The following RAB4A variants were observed in gnomAD, a reference collection of about 807,000 sequenced individuals.
RAB4A encodes the protein RAB4A, member RAS oncogene family.
A neutral mutation model predicts 34.5 loss-of-function variants in RAB4A; 20 were observed. That is an observed-to-expected ratio of 0.58 (90% CI 0.41 to 0.84). The LOEUF (loss-of-function observed/expected upper bound fraction) is 0.84. RAB4A is among the 40% of genes least tolerant of loss of function. RAB4A has a pLI of 0.00. For missense variants in RAB4A, 228 were observed against 274.5 expected (o/e 0.83, Z 1.20); for synonymous variants, 102 against 100.0 (o/e 1.02, Z -0.12).
At chr1:229,296,481 A>G (rs1316086850) in intron 4 of RAB4A, among the ~76,000 whole-genome samples, 1 of 152,232 alleles carries the variant, frequency 6.6e-6, no homozygotes, top group Non-Finnish European at 1.5e-5. Context: ...TTTAACTGAA[A>G]TAAAAAATTC....
chr1:229,282,910 A>G (rs961852543), intron 1 of RAB4A, among the ~76,000 whole-genome samples: 4 of 152,180 alleles, frequency 2.6e-5, no homozygotes, highest in Non-Finnish European at 5.9e-5. Context: ...TTTGTCAGAT[A>G]ATTCTAACAT....
intron 1 of RAB4A, among the ~76,000 whole-genome samples, chr1:229,283,674 G>A (rs237756): frequency 3.3e-5 from 5 of 151,570 alleles, no homozygotes; most frequent in South Asian, 2.1e-4. Context: ...CTGAAATCCC[G>A]GGTACACTGA....
At position 229,295,887 on chromosome 1, in the gene RAB4A, T is replaced by A; in HGVS notation, c.267T>A (p.Ala89=). The change falls in exon 4 of 8, where the codon GCT becomes GCA. Residue 89 remains alanine, a synonymous_variant. Coordinates refer to ENST00000366690, the MANE Select transcript of RAB4A (RefSeq NM_004578.4). The part of the protein sequence containing the change: ...TRSYYRGAAG[A]LLVYDITSRE... The stretch of plus-strand genomic sequence containing the variant: ...GTTATTACCGAGGCGCGGCCGGGGC[T>A]CTCCTCGTCTATGATATCACCAGGT... 6.2e-7 allele frequency: 1 copy of A among 1,614,070 alleles called. No homozygotes were observed. Among genetic ancestry groups the A allele is most frequent in the African/African-American group, 1.3e-5 (1 of 75,024 alleles).
chr1:229,288,674 A>G (rs920308211), intron 2 of RAB4A, 55 bp from the exon 3 acceptor site: 3 of 916,786 alleles, frequency 3.3e-6, no homozygotes, highest in South Asian at 1.5e-5. Context: ...GTTTAAATCT[A>G]TAAGCCTGTT....
At chr1:229,280,248 A>C (rs190508332) in intron 1 of RAB4A, among the ~76,000 whole-genome samples, 1 of 152,354 alleles carries the variant, frequency 6.6e-6, no homozygotes. Flanking sequence ...GAACACTCTG[A>C]GAGAACATGA....
At chr1:229,290,251 T>C (rs1657033707) in intron 3 of RAB4A, among the ~76,000 whole-genome samples, 1 of 151,940 alleles carries the variant, frequency 6.6e-6, no homozygotes, top group African/African-American at 2.4e-5. Context: ...TGAAATGGAG[T>C]CTAGACTCAA....
At chr1:229,303,627 G>C (rs1657474631) in intron 7 of RAB4A, among the ~76,000 whole-genome samples, 179 bp from the exon 8 acceptor site, 1 of 152,138 alleles carries the variant, frequency 6.6e-6, no homozygotes, top group African/African-American at 2.4e-5. Context: ...ACTTTTTAAA[G>C]CTTCTTCTTT....
At chr1:229,300,852 G>A (rs1657367865) in intron 6 of RAB4A, among the ~76,000 whole-genome samples, 1 of 152,136 alleles carries the variant, frequency 6.6e-6, no homozygotes, top group African/African-American at 2.4e-5. Flanking sequence ...GTGATCAACA[G>A]AACCCTGGAG....
intron 3 of RAB4A, among the ~76,000 whole-genome samples, chr1:229,292,038 AG>A (rs1657099966): frequency 8.2e-6 from 1 of 121,910 alleles, no homozygotes; most frequent in Non-Finnish European, 1.6e-5. Flanking sequence ...GGACACAGGA[AG>A]GGGAACATCA....
At chr1:229,295,799 A>G (rs1657237390) in intron 3 of RAB4A, 49 bp from the exon 4 acceptor site, 2 of 1,588,532 alleles carry the variant, frequency 1.3e-6, no homozygotes, top group Non-Finnish European at 1.7e-6. Context: ...AGTGGGATAC[A>G]GTAAAGGGTC....
chr1:229,274,374 T>G (rs1656584448), intron 1 of RAB4A, among the ~76,000 whole-genome samples: 1 of 152,166 alleles, frequency 6.6e-6, no homozygotes. Flanking sequence ...TGAAATGTAC[T>G]GTTTATGAGC....
intron 1 of RAB4A, among the ~76,000 whole-genome samples, chr1:229,273,673 A>T (rs962970961): frequency 6.6e-6 from 1 of 152,192 alleles, no homozygotes; most frequent in African/African-American, 2.4e-5. Context: ...CAGGAGGTGA[A>T]GTTTACAGTG....
chr1:229,297,587 A>C lies in RAB4A; in HGVS notation c.396A>C (p.Ala132=). Residue 132 remains alanine (A), a synonymous_variant, in exon 5 of 8, where the codon GCA becomes GCC. Transcript: ENST00000366690. ...ILCGNKKDLD[A]DREVTFLEAS... ...GTGGAAACAAGAAGGACCTGGATGC[A>C]GATCGTGAAGTTACCTTCTTAGAAG... 4.3e-6 allele frequency: 7 copies of C among 1,611,818 alleles called. No homozygotes were observed. Among genetic ancestry groups the C allele is most frequent in the Non-Finnish European group, 5.9e-6 (7 of 1,179,580 alleles).
chr1:229,304,944 C>T lies in RAB4A; in HGVS notation c.*1151C>T. On this transcript the variant is annotated 3_prime_UTR_variant, in exon 8 of 8. Transcript: ENST00000366690. ...CAGTGCAAAAAATATATGGTGGAAC[C>T]TTTCTTTAAAGTTGAAATGCAGTAT... is the stretch of plus-strand genomic sequence containing the variant. 3.1e-5 allele frequency: 16 copies of T among 519,048 alleles called. No individual in the cohort carries two copies. Among genetic ancestry groups the T allele is most frequent in the Admixed American group, 4.8e-5 (1 of 20,732 alleles). 32.2% of individuals were successfully genotyped at this position (519,048 alleles called of 1,614,324 possible).
At chr1:229,279,182 A>G (rs1656718937) in intron 1 of RAB4A, among the ~76,000 whole-genome samples, 1 of 152,258 alleles carries the variant, frequency 6.6e-6, no homozygotes, top group South Asian at 2.1e-4. Flanking sequence ...GCCAGGAAGT[A>G]GGACACATGA....
intron 1 of RAB4A, among the ~76,000 whole-genome samples, chr1:229,274,227 T>TC (rs1161651735): frequency 2.0e-5 from 3 of 151,314 alleles, no homozygotes; most frequent in South Asian, 2.1e-4. Flanking sequence ...TAATTTTTTT[T>TC]TTTTTTTTAA....
rs1048581786 is a variant in RAB4A, at chr1:229,271,111, C to G, written c.-229C>G. 4 of 353,492 alleles carry G rather than the reference C, an allele frequency of 1.1e-5. No individual in the cohort carries two copies. The highest frequency in any genetic ancestry group is 1.5e-4 in the South Asian group (1 of 6,828). 21.9% of individuals were successfully genotyped at this position (353,492 alleles called of 1,614,324 possible). A position where few individuals can be genotyped will look rare whatever the true frequency, so the allele number is the denominator to read the frequency against. On this transcript the variant is annotated 5_prime_UTR_variant, in exon 1 of 8. Coordinates refer to ENST00000366690, the MANE Select transcript of RAB4A (RefSeq NM_004578.4). ...GGCCGGGCCTCGCGTAGCCCATCTC[C>G]TCTTCCTCCTCGCGGTCGCGGCCGG...
At chr1:229,282,717 C>T (rs146634956) in intron 1 of RAB4A, among the ~76,000 whole-genome samples, 169 of 152,304 alleles carry the variant, frequency 1.1e-3, no homozygotes, top group African/African-American at 3.9e-3. Flanking sequence ...TGCTGTCAAG[C>T]CCATCCACTG....
rs1656987524 is a variant in RAB4A, at chr1:229,288,755, G to A, written c.139G>A (p.Gly47Arg). The change falls in exon 3 of 8, where the codon GGA (glycine) becomes AGA (arginine). Residue 47 changes from glycine (G) to arginine (R), a missense_variant. Coordinates refer to ENST00000366690, the MANE Select transcript of RAB4A (RefSeq NM_004578.4). ...KFKDDSNHTIGVEFGSKIINV... is the reference protein window; with the variant it reads ...KFKDDSNHTIRVEFGSKIINV... ...CAAAGATGACTCAAATCATACAATAGGAGTGGAATTTGGTTCAAAGATAAT... is the reference window on the plus strand; with the variant it reads ...CAAAGATGACTCAAATCATACAATAAGAGTGGAATTTGGTTCAAAGATAAT... 1 of 1,574,464 alleles carries A rather than the reference G, an allele frequency of 6.4e-7. No individual in the cohort carries two copies. The highest frequency in any genetic ancestry group is 1.7e-5 in the Admixed American group (1 of 59,236).
Sources: gnomAD v4.1 joint callset for allele counts (sites outside exome capture counted in the v4.1 genomes callset) on GRCh38, gnomAD v4.1.1 for gene constraint, MANE v1.5 for transcripts, NCBI Gene and HGNC (gene_info 2026-07-23, HGNC 2026-07-21) for gene names.